Variants in ZFHX3 observed in about 807,000 individuals in gnomAD.
ZFHX3 encodes the protein zinc finger homeobox 3.
In ZFHX3, 42 loss-of-function variants were observed where a neutral mutation model predicts 279.1. The observed-to-expected ratio is 0.15, with a 90% CI of 0.12 to 0.19. The LOEUF (loss-of-function observed/expected upper bound fraction) is 0.19. Among genes scored for constraint, ZFHX3 ranks in the 10% least tolerant of loss-of-function variants. ZFHX3 has a pLI of 1.00. For synonymous variants in ZFHX3, 2,293 were observed against 1,957.8 expected (o/e 1.17, Z -4.52); for missense variants, 4,981 against 4,754.0 (o/e 1.05, Z -1.40).
chr16:73,509,389 C>T (rs74028693), intron 2 of ZFHX3, among the ~76,000 whole-genome samples: 258 of 152,008 alleles, frequency 1.7e-3, no homozygotes, highest in African/African-American at 5.0e-3. Context: ...CCAGGCCCTT[C>T]GATGTCTCCT....
intron 3 of ZFHX3, among the ~76,000 whole-genome samples, chr16:73,425,816 G>T (rs2143503149): frequency 6.6e-6 from 1 of 152,188 alleles, no homozygotes; most frequent in Non-Finnish European, 1.5e-5. Context: ...GCGAAAATCA[G>T]ATGGGTCTAA....
chr16:73,891,525 A>G (rs2030537899), intron 1 of ZFHX3: 1 of 152,242 alleles, frequency 6.6e-6, no homozygotes, highest in African/African-American at 2.4e-5. Context: ...GAGAGGACAT[A>G]TGAATGTAAA....
intron 1 of ZFHX3, among the ~76,000 whole-genome samples, chr16:73,878,954 T>C (rs1479362593): frequency 6.7e-6 from 1 of 149,320 alleles, no homozygotes; most frequent in Non-Finnish European, 1.5e-5. Context: ...TATATATATA[T>C]ATATATATAT....
At chr16:73,534,019 C>G (rs1475286269) in intron 2 of ZFHX3, among the ~76,000 whole-genome samples, 1 of 152,144 alleles carries the variant, frequency 6.6e-6, no homozygotes, top group Non-Finnish European at 1.5e-5. Flanking sequence ...ATCTGAAACC[C>G]AGGTGAGATC....
At chr16:73,211,209 A>G (rs2012005457) in intron 5 of ZFHX3, among the ~76,000 whole-genome samples, 1 of 152,072 alleles carries the variant, frequency 6.6e-6, no homozygotes, top group Non-Finnish European at 1.5e-5. Context: ...CTTCACAATC[A>G]TTTTTTACCA....
intron 4 of ZFHX3, among the ~76,000 whole-genome samples, chr16:72,865,259 G>C (rs1030942212): frequency 1.4e-4 from 22 of 152,338 alleles, no homozygotes; most frequent in Non-Finnish European, 2.4e-4. Context: ...TTGAGAACCA[G>C]GTAAGGTCAG....
At chr16:73,741,635 C>T (rs577050770) in intron 1 of ZFHX3, among the ~76,000 whole-genome samples, 8 of 152,272 alleles carry the variant, frequency 5.3e-5, no homozygotes, top group African/African-American at 1.2e-4. Context: ...GAAGCTTGAC[C>T]ACTGAGCCTC....
At chr16:73,665,265 G>A (rs1168378519) in intron 2 of ZFHX3, among the ~76,000 whole-genome samples, 1 of 149,410 alleles carries the variant, frequency 6.7e-6, no homozygotes, top group Non-Finnish European at 1.5e-5. Flanking sequence ...GCAGGCTGGA[G>A]TGCACTGGTG....
intron 5 of ZFHX3, among the ~76,000 whole-genome samples, chr16:73,244,820 C>T (rs1159768517): frequency 6.6e-6 from 1 of 152,172 alleles, no homozygotes; most frequent in Non-Finnish European, 1.5e-5. Flanking sequence ...GGGGCACCCT[C>T]ACAAAGACTG....
chr16:72,829,204 G>T (rs1362573389), intron 5 of ZFHX3, among the ~76,000 whole-genome samples: 1 of 147,804 alleles, frequency 6.8e-6, no homozygotes, highest in Admixed American at 6.7e-5. Flanking sequence ...GTAGAGACAG[G>T]GACTCGCTAT....
chr16:73,630,417 AT>A (rs2052457539), intron 2 of ZFHX3, among the ~76,000 whole-genome samples: 2 of 152,222 alleles, frequency 1.3e-5, no homozygotes, highest in Admixed American at 1.3e-4. Flanking sequence ...ATAGGGTTTC[AT>A]ATGTCAACTT....
chr16:73,615,710 A>G (rs555063800), intron 2 of ZFHX3, among the ~76,000 whole-genome samples: 3 of 152,230 alleles, frequency 2.0e-5, no homozygotes. Context: ...CTATATTTGC[A>G]GAGACGTAAT....
chr16:73,601,556 T>C (rs760913871), intron 2 of ZFHX3, among the ~76,000 whole-genome samples: 16 of 152,152 alleles, frequency 1.1e-4, no homozygotes, highest in African/African-American at 3.6e-4. Context: ...TTAAAACTCA[T>C]TGAGGGCAGA....
chr16:73,176,960 T>C (rs1967679793), intron 5 of ZFHX3, among the ~76,000 whole-genome samples: 1 of 152,024 alleles, frequency 6.6e-6, no homozygotes, highest in South Asian at 2.1e-4. Flanking sequence ...CATGACTAAG[T>C]CATGGAAGCA....
chr16:73,756,998 G>C (rs1161398509), intron 1 of ZFHX3, among the ~76,000 whole-genome samples: 1 of 152,120 alleles, frequency 6.6e-6, no homozygotes. Context: ...GAGTGCAAGA[G>C]GGAATGCATG....
intron 5 of ZFHX3, among the ~76,000 whole-genome samples, chr16:73,235,930 C>T (rs1364794038): frequency 6.6e-6 from 1 of 152,182 alleles, no homozygotes; most frequent in Non-Finnish European, 1.5e-5. Context: ...CTAGGCTTCC[C>T]AAAGGGCTGG....
chr16:73,727,822 T>G (rs1388089677), intron 1 of ZFHX3, among the ~76,000 whole-genome samples: 1 of 152,148 alleles, frequency 6.6e-6, no homozygotes, highest in Non-Finnish European at 1.5e-5. Flanking sequence ...GGGGTTCCAG[T>G]TGAACCATCC....
intron 2 of ZFHX3, among the ~76,000 whole-genome samples, chr16:73,535,322 A>G (rs929858398): frequency 4.6e-5 from 7 of 152,216 alleles, no homozygotes; most frequent in Admixed American, 4.6e-4. Context: ...TTTTTAATAA[A>G]TGTTGTGTTT....
At chr16:72,885,127 G>T (rs1374756095) in intron 4 of ZFHX3, among the ~76,000 whole-genome samples, 3 of 152,240 alleles carry the variant, frequency 2.0e-5, no homozygotes, top group Non-Finnish European at 4.4e-5. Flanking sequence ...TTGTGGGGTA[G>T]GGGTGGAAAA....
Sources: allele counts gnomAD v4.1 joint callset (sites outside exome capture counted in the v4.1 genomes callset), GRCh38; gene constraint gnomAD v4.1.1; transcripts MANE v1.5; gene names NCBI Gene and HGNC (gene_info 2026-07-23, HGNC 2026-07-21).